Variants in ERBB4 observed in about 807,000 individuals in gnomAD.
The protein encoded by ERBB4 is receptor tyrosine-protein kinase erbB-4.
In ERBB4, 42 loss-of-function variants were observed where a neutral mutation model predicts 158.0. The observed-to-expected ratio is 0.27, with a 90% CI of 0.21 to 0.34. The LOEUF is 0.34. Ranked by LOEUF, ERBB4 falls within the 10% of genes least tolerant of loss-of-function variation. The pLI, the probability that ERBB4 is intolerant of heterozygous loss-of-function variation, is 1.00. For missense variants in ERBB4, 1,333 were observed against 1,624.1 expected (o/e 0.82, Z 3.08); for synonymous variants, 583 against 558.7 (o/e 1.04, Z -0.61).
intron 1 of ERBB4, among the ~76,000 whole-genome samples, chr2:212,424,648 A>G (rs919738915): frequency 6.6e-6 from 1 of 152,124 alleles, no homozygotes; most frequent in Non-Finnish European, 1.5e-5. Context: ...CTCTAATAAC[A>G]GCTATAGCTC....
chr2:211,647,168 A>G (rs893123946), intron 16 of ERBB4, among the ~76,000 whole-genome samples: 4 of 151,366 alleles, frequency 2.6e-5, no homozygotes, highest in African/African-American at 9.7e-5. Flanking sequence ...ATCCTTTCAT[A>G]TGTTCTTTTC....
At chr2:212,065,886 G>C (rs372416292) in intron 2 of ERBB4, among the ~76,000 whole-genome samples, 1 of 151,998 alleles carries the variant, frequency 6.6e-6, no homozygotes, top group East Asian at 1.9e-4. Context: ...TCAGTGAAGC[G>C]ATGGTGAAGG....
chr2:211,660,434 T>C (rs1012019323), intron 15 of ERBB4, among the ~76,000 whole-genome samples: 4 of 152,196 alleles, frequency 2.6e-5, no homozygotes, highest in Admixed American at 6.5e-5. Context: ...GAAAGTGAAA[T>C]GATCAAAGGA....
intron 5 of ERBB4, among the ~76,000 whole-genome samples, chr2:211,728,839 T>C (rs2074351057): frequency 6.6e-6 from 1 of 151,824 alleles, no homozygotes; most frequent in Non-Finnish European, 1.5e-5. Flanking sequence ...TGTTTCAGTT[T>C]CTCTGTATTT....
At chr2:212,527,070 T>A (rs528925391) in intron 1 of ERBB4, among the ~76,000 whole-genome samples, 1 of 152,008 alleles carries the variant, frequency 6.6e-6, no homozygotes, top group African/African-American at 2.4e-5. Context: ...GGTAAGACCT[T>A]AATAATATAG....
At chr2:212,177,797 T>C (rs911777301) in intron 1 of ERBB4, among the ~76,000 whole-genome samples, 1 of 151,926 alleles carries the variant, frequency 6.6e-6, no homozygotes, top group African/African-American at 2.4e-5. Flanking sequence ...TGAAGTTTAA[T>C]TGCCACTTGA....
chr2:211,750,588 A>T (rs2075103112), intron 5 of ERBB4, 51 bp downstream of exon 5: 1 of 1,471,946 alleles, frequency 6.8e-7, no homozygotes, highest in Non-Finnish European at 9.5e-7. Flanking sequence ...ACCAATCATT[A>T]AAATTCCTTG....
intron 1 of ERBB4, among the ~76,000 whole-genome samples, chr2:212,324,951 G>C (rs1478093017): frequency 6.7e-6 from 1 of 150,362 alleles, no homozygotes; most frequent in African/African-American, 2.4e-5. Context: ...ACAGTTTAAT[G>C]AGTAAACACT....
intron 20 of ERBB4, among the ~76,000 whole-genome samples, chr2:211,559,510 T>A (rs1273269325): frequency 6.6e-6 from 1 of 152,218 alleles, no homozygotes. Flanking sequence ...ATTATTCCAC[T>A]TGGATGATAA....
chr2:211,673,110 C>A, intron 14 of ERBB4, 54 bp downstream of exon 14: 1 of 1,246,276 alleles, frequency 8.0e-7, no homozygotes, highest in East Asian at 2.3e-5. Flanking sequence ...TAATAACAAA[C>A]ATTCATACAT....
intron 1 of ERBB4, among the ~76,000 whole-genome samples, chr2:212,469,137 C>CA (rs1688990053): frequency 6.6e-6 from 1 of 152,066 alleles, no homozygotes; most frequent in South Asian, 2.1e-4. Flanking sequence ...AAGTGATTTT[C>CA]AAAATCTACA....
In ERBB4 at chr2:212,538,552, G is replaced by T. The variant is rs1311917052; in HGVS notation, c.-22C>A. ...TCATTTTTTGGAAGTCTCAGATCCC[G>T]TGCTGACAATTACATGTCCAAATGG... On this transcript the variant is annotated 5_prime_UTR_variant, in exon 1 of 28. Coordinates refer to ENST00000342788, the MANE Select transcript of ERBB4 (RefSeq NM_005235.3). 3 of 1,608,480 alleles carry T rather than the reference G, an allele frequency of 1.9e-6. No homozygotes were observed. Among genetic ancestry groups the T allele is most frequent in the Non-Finnish European group, 2.6e-6 (3 of 1,174,850 alleles).
chr2:211,697,285 T>C (rs1162520432), intron 12 of ERBB4, among the ~76,000 whole-genome samples: 1 of 152,170 alleles, frequency 6.6e-6, no homozygotes. Context: ...TGGATCCATA[T>C]TCCAATCAGG....
chr2:212,213,889 T>C (rs2090862), intron 1 of ERBB4, among the ~76,000 whole-genome samples: 84,266 of 151,580 alleles, frequency 0.56, 23,652 homozygotes, highest in East Asian at 0.77. Context: ...GGGAGTGGCT[T>C]ATCAAAATTC....
At chr2:212,136,795 G>A (rs2125595678) in intron 1 of ERBB4, among the ~76,000 whole-genome samples, 1 of 152,222 alleles carries the variant, frequency 6.6e-6, no homozygotes, top group Non-Finnish European at 1.5e-5. Context: ...GTTAGACTTG[G>A]GGTGAGAAGA....
At chr2:212,014,614 T>C (rs1360645522) in intron 2 of ERBB4, among the ~76,000 whole-genome samples, 1 of 152,176 alleles carries the variant, frequency 6.6e-6, no homozygotes, top group East Asian at 1.9e-4. Context: ...TTATTTTTAA[T>C]TTCTTTTATT....
At chr2:211,591,975 A>C (rs1055817667) in intron 19 of ERBB4, among the ~76,000 whole-genome samples, 10 of 152,242 alleles carry the variant, frequency 6.6e-5, no homozygotes, top group African/African-American at 2.4e-4. Context: ...TTAAGAGTCC[A>C]AGAGACAGCT....
At chr2:212,431,813 C>T (rs1341935210) in intron 1 of ERBB4, among the ~76,000 whole-genome samples, 3 of 152,162 alleles carry the variant, frequency 2.0e-5, no homozygotes, top group African/African-American at 7.2e-5. Context: ...ATCTTCACTT[C>T]CCTCAGATCT....
chr2:212,263,982 T>C (rs2085038819), intron 1 of ERBB4, among the ~76,000 whole-genome samples: 1 of 152,138 alleles, frequency 6.6e-6, no homozygotes, highest in Non-Finnish European at 1.5e-5. Context: ...AGCTCCTATA[T>C]TGCTGTGGTC....
Sources: gnomAD v4.1 joint callset for allele counts (sites outside exome capture counted in the v4.1 genomes callset) on GRCh38, gnomAD v4.1.1 for gene constraint, MANE v1.5 for transcripts, NCBI Gene and HGNC (gene_info 2026-07-23, HGNC 2026-07-21) for gene names.